DKK4: variants seen among roughly 807,000 people sequenced by gnomAD.
The protein encoded by DKK4 is dickkopf-related protein 4.
Under a neutral mutation model 14.5 loss-of-function variants are expected in DKK4, and 15 were observed. The ratio of observed to expected loss-of-function variants is 1.03; its 90% CI spans 0.69 to 1.59. DKK4 has a LOEUF of 1.59. Ranked by LOEUF, DKK4 falls within the 40% of genes most tolerant of loss-of-function variation. The probability of loss-of-function intolerance (pLI) is 0.00; values close to 1 mark genes in which losing one functional copy is unlikely to be tolerated. For missense variants in DKK4, 272 were observed against 280.3 expected, an observed-to-expected ratio of 0.97 and a Z score of 0.21; for synonymous variants, 89 against 105.2, an observed-to-expected ratio of 0.85 and a Z score of 0.94.
In DKK4 at chr8:42,374,167, C is replaced by CTG; in HGVS notation, c.607_608insCA (p.Arg203ProfsTer5). 6.2e-7 allele frequency: 1 copy of CTG among 1,613,468 alleles called. No homozygotes were observed. Among genetic ancestry groups the CTG allele is most frequent in the Admixed American group, 1.7e-5 (1 of 59,962 alleles). ...CTGCCGATTGCTGGTCAATTGGCTTCGACACAGTAGTCCAGGGCCACAGTC... is the reference window on the plus strand; with the variant it reads ...CTGCCGATTGCTGGTCAATTGGCTTCTGGACACAGTAGTCCAGGGCCACAGTC... On this transcript the variant is annotated frameshift_variant, in exon 4 of 4. Transcript: ENST00000220812. LOFTEE classifies it low-confidence loss of function (END_TRUNC).
the DKK4 span, among the ~76,000 whole-genome samples, chr8:42,384,335 G>A: frequency 6.6e-6 from 1 of 152,158 alleles, no homozygotes; most frequent in African/African-American, 2.4e-5. Context: ...TGGAGATGGG[G>A]TCTTGCTATG....
At chr8:42,383,795 T>G in the DKK4 span, among the ~76,000 whole-genome samples, 1 of 151,990 alleles carries the variant, frequency 6.6e-6, no homozygotes, top group African/African-American at 2.4e-5. Flanking sequence ...ATACAAAAAT[T>G]TGCCAGGCAT....
the DKK4 span, among the ~76,000 whole-genome samples, chr8:42,387,936 G>C: frequency 6.6e-6 from 1 of 152,122 alleles, no homozygotes; most frequent in South Asian, 2.1e-4. Flanking sequence ...TGTCACTCAG[G>C]CTGTGGTACA....
At chr8:42,382,525 A>G in the DKK4 span, among the ~76,000 whole-genome samples, 13 of 152,362 alleles carry the variant, frequency 8.5e-5, no homozygotes, top group East Asian at 2.5e-3. Flanking sequence ...CACAGGCCAC[A>G]GCAGCAATGA....
chr8:42,377,431 C>T (rs767268537), upstream of DKK4, among the ~76,000 whole-genome samples: 1 of 152,132 alleles, frequency 6.6e-6, no homozygotes, highest in African/African-American at 2.4e-5. Flanking sequence ...TTAATTATTG[C>T]ATATCAAAGT....
chr8:42,382,371 G>A, the DKK4 span, among the ~76,000 whole-genome samples: 18 of 152,336 alleles, frequency 1.2e-4, no homozygotes, highest in African/African-American at 4.1e-4. Flanking sequence ...CCAGGAGCCC[G>A]CATCTCCATG....
At chr8:42,387,099 T>C in the DKK4 span, among the ~76,000 whole-genome samples, 1 of 152,226 alleles carries the variant, frequency 6.6e-6, no homozygotes, top group African/African-American at 2.4e-5. Context: ...ACTGTCATTG[T>C]GCCCTGGACA....
At chr8:42,381,190 G>T (rs939445607), upstream of DKK4, among the ~76,000 whole-genome samples, 2 of 151,912 alleles carry the variant, frequency 1.3e-5, no homozygotes, top group African/African-American at 4.8e-5. Context: ...ACTGGATGTG[G>T]GAGTGGGGAG....
rs765033665 is a variant in DKK4 at position 42,374,772 on chromosome 8, T to C, written c.404A>G (p.Gln135Arg). ...AATGCTGTTCTTACCCTTCCTGCCT[T>C]GTGATTTCTTAATACTTGGCTTCCT... ...PKRKPSIKKS[Q>R]GRKGQEGESC... Residue 135 changes from glutamine (Q) to arginine (R), a missense_variant, in exon 3 of 4, where the codon CAA (glutamine) becomes CGA (arginine). By Grantham distance (43) the Gln-to-Arg change is conservative. Coordinates refer to ENST00000220812, the MANE Select transcript of DKK4 (RefSeq NM_014420.3). The C allele has an allele frequency of 1.9e-6, 3 of 1,614,212 alleles. No homozygotes were observed. Among genetic ancestry groups the C allele is most frequent in the Non-Finnish European group, 2.5e-6 (3 of 1,180,040 alleles).
intron 3 of DKK4, 106 bp downstream of exon 3, chr8:42,374,655 T>C (rs899322533): frequency 3.0e-5 from 44 of 1,471,992 alleles, no homozygotes; most frequent in Non-Finnish European, 3.6e-5. Flanking sequence ...GCTTCCTAAG[T>C]GTTTCTGGGA....
At chr8:42,390,822 G>C in the DKK4 span, among the ~76,000 whole-genome samples, 1 of 152,104 alleles carries the variant, frequency 6.6e-6, no homozygotes. Context: ...GTCCCTCTCT[G>C]TGCCTCACAC....
the DKK4 span, among the ~76,000 whole-genome samples, chr8:42,384,838 A>G: frequency 4.9e-4 from 74 of 152,330 alleles, 2 homozygotes; most frequent in East Asian, 6.0e-3. Flanking sequence ...ACTGACGTCT[A>G]TTTCCAAACA....
Position 42,377,007 on chromosome 8 carries a change from G to C in DKK4, c.39C>G (p.Cys13Trp). 2 of 1,613,542 alleles carry C rather than the reference G, an allele frequency of 1.2e-6. No homozygotes were observed. Among genetic ancestry groups the C allele is most frequent in the Non-Finnish European group, 1.7e-6 (2 of 1,180,018 alleles). ...AAVLLGLSWL[C>W]SPLGALVLDF... ...CCAGGACCAGAGCTCCCAGGGGAGA[G>C]CAGAGCCAGCTCAGCCCCAGCAGGA... Residue 13 changes from cysteine to tryptophan, a missense_variant, in exon 1 of 4, where the codon TGC becomes TGG. Physicochemically the swap from Cys to Trp is radical, Grantham distance 215. Transcript: ENST00000220812.
chr8:42,385,599 TTCTCTTTTACCTTG>T, the DKK4 span, among the ~76,000 whole-genome samples: 2 of 151,870 alleles, frequency 1.3e-5, no homozygotes, highest in Non-Finnish European at 2.9e-5. Flanking sequence ...CAGGTCTGGC[TTCTCTTTTACCTTG>T]TCTCCTTGCT....
chr8:42,381,169 C>G (rs1824673522), upstream of DKK4, among the ~76,000 whole-genome samples: 1 of 151,386 alleles, frequency 6.6e-6, no homozygotes, highest in Admixed American at 6.6e-5. Context: ...GTCTGAAGTT[C>G]GAGCTGCATC....
At chr8:42,384,494 A>C in the DKK4 span, among the ~76,000 whole-genome samples, 1 of 152,062 alleles carries the variant, frequency 6.6e-6, no homozygotes, top group Non-Finnish European at 1.5e-5. Flanking sequence ...TGCATTAGGA[A>C]ACCCAGTCTT....
chr8:42,389,726 C>G, the DKK4 span, among the ~76,000 whole-genome samples: 1 of 152,104 alleles, frequency 6.6e-6, no homozygotes, highest in African/African-American at 2.4e-5. Flanking sequence ...CATATACGTT[C>G]CACCTCGATT....
upstream of DKK4, among the ~76,000 whole-genome samples, chr8:42,381,181 C>G (rs1824673820): frequency 6.6e-6 from 1 of 151,430 alleles, no homozygotes; most frequent in South Asian, 2.1e-4. Context: ...AGCTGCATCA[C>G]TGGATGTGGG....
upstream of DKK4, among the ~76,000 whole-genome samples, chr8:42,378,009 A>G (rs1158733009): frequency 6.6e-6 from 1 of 152,226 alleles, no homozygotes; most frequent in Non-Finnish European, 1.5e-5. Context: ...CAGAACAAGG[A>G]TCCAAGTCTC....
Sources: allele counts gnomAD v4.1 joint callset (sites outside exome capture counted in the v4.1 genomes callset), GRCh38; gene constraint gnomAD v4.1.1; transcripts MANE v1.5; gene names NCBI Gene and HGNC (gene_info 2026-07-23, HGNC 2026-07-21).